TAF3: variants seen among roughly 807,000 people sequenced by gnomAD.
TAF3 encodes the protein transcription initiation factor TFIID subunit 3.
A neutral mutation model predicts 80.6 loss-of-function variants in TAF3; 7 were observed. The observed-to-expected ratio is 0.09, with a 90% confidence interval of 0.05 to 0.16. TAF3 has a LOEUF of 0.16. Among genes scored for constraint, TAF3 ranks in the 10% least tolerant of loss-of-function variants. The pLI, the probability that TAF3 is intolerant of heterozygous loss-of-function variation, is 1.00. For missense variants in TAF3, 921 were observed against 1,140.2 expected, an observed-to-expected ratio of 0.81 and a Z score of 2.77; for synonymous variants, 444 against 446.1, an observed-to-expected ratio of 1.00 and a Z score of 0.06.
At chr10:7,872,323 T>G (rs887044492) in intron 2 of TAF3, among the ~76,000 whole-genome samples, 1 of 150,998 alleles carries the variant, frequency 6.6e-6, no homozygotes, top group African/African-American at 2.4e-5. Context: ...TTAAAATCAG[T>G]TCCCTGTATA....
intron 2 of TAF3, among the ~76,000 whole-genome samples, chr10:7,846,750 A>G (rs1014714515): frequency 3.9e-5 from 6 of 152,238 alleles, no homozygotes; most frequent in African/African-American, 1.4e-4. Context: ...TGCATCTTGA[A>G]ACATTTTACT....
At chr10:7,976,959 G>A (rs1831679603) in intron 3 of TAF3, among the ~76,000 whole-genome samples, 1 of 152,000 alleles carries the variant, frequency 6.6e-6, no homozygotes. Flanking sequence ...AACAATTTTT[G>A]TTTAAAAATT....
chr10:7,839,466 A>G (rs1237934749), intron 2 of TAF3, among the ~76,000 whole-genome samples: 1 of 152,178 alleles, frequency 6.6e-6, no homozygotes, highest in Non-Finnish European at 1.5e-5. Flanking sequence ...AAAGTTTTTC[A>G]GAATAATGGA....
intron 2 of TAF3, among the ~76,000 whole-genome samples, chr10:7,859,418 T>C (rs1837121420): frequency 6.6e-6 from 1 of 152,188 alleles, no homozygotes; most frequent in Admixed American, 6.5e-5. Context: ...TCTGAAATCA[T>C]CTGACATGGG....
Position 7,917,738 on chromosome 10 carries a change from G to C in TAF3, c.410-46182G>C, listed in dbSNP as rs536195181. On this transcript the variant is annotated intron_variant, in intron 2 of 6. Coordinates refer to ENST00000344293, the MANE Select transcript of TAF3 (RefSeq NM_031923.4). ...GCAGTTGTGCTACTGGACTAGATAC[G>C]GGGTGCGAGGAGAAGAGAGGAAATG... Among the ~76,000 whole-genome samples, 6 of 152,190 alleles carry C rather than the reference G, an allele frequency of 3.9e-5. No homozygotes were observed. In the South Asian group the frequency reaches 1.2e-3, roughly 31 times the overall value.
intron 4 of TAF3, among the ~76,000 whole-genome samples, chr10:8,002,218 C>T (rs1203655199): frequency 2.6e-5 from 4 of 152,188 alleles, no homozygotes; most frequent in Non-Finnish European, 2.9e-5. Flanking sequence ...CCTCACACTT[C>T]CTGACCTAAA....
chr10:7,828,705 G>A (rs559093095), intron 2 of TAF3, among the ~76,000 whole-genome samples: 7 of 151,820 alleles, frequency 4.6e-5, no homozygotes, highest in African/African-American at 1.7e-4. Context: ...GGTCTTCTGG[G>A]GGGGTCTGTT....
rs1041251521 is a variant in TAF3, at chr10:7,818,883, C to A, written c.166+8C>A. The stretch of plus-strand genomic sequence containing the variant: ...ATCGGTACTCTGAGCTCTGTGAGTA[C>A]CGGGCTGGGTGCGGGAGGGCTGCCC... On this transcript the variant is annotated splice_region_variant and intron_variant, in intron 1 of 6. Transcript: ENST00000344293. 1 of 1,434,078 alleles carries A rather than the reference C, an allele frequency of 7.0e-7. No homozygotes were observed. Among genetic ancestry groups the A allele is most frequent in the Non-Finnish European group, 9.1e-7 (1 of 1,099,130 alleles). The allele number at this position is 1,434,078 out of a possible 1,614,324, so 88.8% of individuals were successfully genotyped here.
intron 2 of TAF3, among the ~76,000 whole-genome samples, chr10:7,903,940 T>C (rs1837583012): frequency 6.6e-6 from 1 of 152,106 alleles, no homozygotes; most frequent in South Asian, 2.1e-4. Context: ...AGTGTGAGAA[T>C]ATTTTACGGT....
chr10:7,898,075 G>C (rs1837523447), intron 2 of TAF3, among the ~76,000 whole-genome samples: 1 of 151,910 alleles, frequency 6.6e-6, no homozygotes, highest in South Asian at 2.1e-4. Flanking sequence ...CTTTTCAAAA[G>C]CTTTTCTTGA....
chr10:7,897,654 C>G (rs75492525), intron 2 of TAF3, among the ~76,000 whole-genome samples: 29,601 of 151,318 alleles, frequency 0.2, 3,007 homozygotes, highest in East Asian at 0.29. Flanking sequence ...TTCTCTCTCT[C>G]TCTCTCTTTC....
chr10:7,978,102 A>G (rs1409051669), intron 4 of TAF3, among the ~76,000 whole-genome samples: 1 of 152,220 alleles, frequency 6.6e-6, no homozygotes, highest in East Asian at 1.9e-4. Flanking sequence ...TAAATAAAAT[A>G]CACAAGATAA....
chr10:7,921,154 C>G (rs1837758902), intron 2 of TAF3, among the ~76,000 whole-genome samples: 1 of 151,596 alleles, frequency 6.6e-6, no homozygotes, highest in African/African-American at 2.4e-5. Flanking sequence ...TTAATTCTTC[C>G]TTGGCTTTGT....
rs149990065 is a variant in TAF3 at position 8,011,920 on chromosome 10, A to G, written c.2569-1811A>G. Among the ~76,000 whole-genome samples, 806 of 152,298 alleles carry G rather than the reference A, an allele frequency of 5.3e-3. 10 individuals carry two copies. Among genetic ancestry groups the G allele is most frequent in the African/African-American group, 0.018 (756 of 41,562 alleles). On this transcript the variant is annotated intron_variant, in intron 5 of 6. Transcript: ENST00000344293. ...TGGCTGTGCATGGTGTCTCACGCCT[A>G]TAATCCCAGCACTTTGGGAGGCCAA... is the stretch of plus-strand genomic sequence containing the variant.
At position 7,935,977 on chromosome 10, in the gene TAF3, C is replaced by T. The variant is rs545726672; in HGVS notation, c.410-27943C>T. 5.3e-5 allele frequency among the ~76,000 whole-genome samples: 8 copies of T among 152,138 alleles called. No individual in the cohort carries two copies. In the South Asian group the frequency reaches 1.7e-3, roughly 32 times the overall value. ...CACTCTCGAGTCTCATTTGGGCTGCCGATTGTAGGGGCTCACGGAGGGAAG... is the reference window on the plus strand; with the variant it reads ...CACTCTCGAGTCTCATTTGGGCTGCTGATTGTAGGGGCTCACGGAGGGAAG... On this transcript the variant is annotated intron_variant, in intron 2 of 6. Coordinates refer to ENST00000344293, the MANE Select transcript of TAF3 (RefSeq NM_031923.4).
chr10:7,925,033 T>C (rs1837802067), intron 2 of TAF3, among the ~76,000 whole-genome samples: 1 of 152,224 alleles, frequency 6.6e-6, no homozygotes, highest in Non-Finnish European at 1.5e-5. Context: ...TAAATAATTT[T>C]TTAATTCACT....
chr10:7,837,318 G>T (rs187971866), intron 2 of TAF3, among the ~76,000 whole-genome samples: 44 of 146,302 alleles, frequency 3.0e-4, no homozygotes, highest in Non-Finnish European at 5.7e-4. Context: ...AGCCGAGATT[G>T]CACCACTGTG....
At chr10:7,857,554 CCT>C (rs1054207597) in intron 2 of TAF3, among the ~76,000 whole-genome samples, 3 of 152,176 alleles carry the variant, frequency 2.0e-5, no homozygotes, top group Non-Finnish European at 4.4e-5. Flanking sequence ...ATGTCACAAG[CCT>C]CTACTCAGAC....
chr10:7,842,203 T>C lies in TAF3; in HGVS notation c.409+17643T>C, dbSNP rs1836925878. Among the ~76,000 whole-genome samples the C allele has an allele frequency of 2.8e-5, 4 of 145,426 alleles. No individual in the cohort carries two copies. The South Asian group carries it at 9.1e-4, about 33-fold the overall frequency. On this transcript the variant is annotated intron_variant, in intron 2 of 6. Coordinates refer to ENST00000344293, the MANE Select transcript of TAF3 (RefSeq NM_031923.4). ...TTTTTTTTTTTTTTGAGACAGAGTCTTCCTCTGTCACCCAGGCTGAAGTGC... is the reference window on the plus strand; with the variant it reads ...TTTTTTTTTTTTTTGAGACAGAGTCCTCCTCTGTCACCCAGGCTGAAGTGC...
Sources: gnomAD v4.1 joint callset for allele counts (sites outside exome capture counted in the v4.1 genomes callset) on GRCh38, gnomAD v4.1.1 for gene constraint, MANE v1.5 for transcripts, NCBI Gene and HGNC (gene_info 2026-07-23, HGNC 2026-07-21) for gene names.